The following CALR3 variants were observed in gnomAD, a reference collection of about 807,000 sequenced individuals.
CALR3 encodes the protein calreticulin-3.
A neutral mutation model predicts 48.7 loss-of-function variants in CALR3; 39 were observed. The observed-to-expected ratio is 0.80, with a 90% CI of 0.62 to 1.05. CALR3 has a LOEUF of 1.05. Among genes scored for constraint, CALR3 ranks in the 50% least tolerant of loss-of-function variants. The pLI is 0.00. For missense variants in CALR3, 449 were observed against 474.7 expected, an observed-to-expected ratio of 0.95 and a Z score of 0.50; for synonymous variants, 185 against 172.7, an observed-to-expected ratio of 1.07 and a Z score of -0.56.
At position 16,490,417 on chromosome 19, in the gene CALR3, T is replaced by A; in HGVS notation, c.347A>T (p.Asp116Val). 3 of 1,614,188 alleles carry A rather than the reference T, an allele frequency of 1.9e-6. No homozygotes were observed. Among genetic ancestry groups the A allele is most frequent in the Non-Finnish European group, 2.5e-6 (3 of 1,180,046 alleles). The change falls in exon 3 of 9, where the codon GAC becomes GTC. Residue 116 changes from aspartate to valine, a missense_variant. Transcript: ENST00000269881. ...GGGYIKVFPA[D>V]IDQKNLNGKS... ...TCCATTCAGGTTCTTCTGGTCAATG[T>A]CTGCAGGAAAGACCTTAATGTAGCC...
At chr19:16,483,374 C>T (rs1053309520) in intron 5 of CALR3, among the ~76,000 whole-genome samples, 2 of 152,074 alleles carry the variant, frequency 1.3e-5, no homozygotes, top group Non-Finnish European at 2.9e-5. Flanking sequence ...AGAGGAGCAG[C>T]GGTGTGGAAA....
chr19:16,491,516 C>G (rs1599721404), intron 2 of CALR3, among the ~76,000 whole-genome samples: 1 of 151,404 alleles, frequency 6.6e-6, no homozygotes, highest in Non-Finnish European at 1.5e-5. Context: ...TGCTGGCTCA[C>G]GCCTGTAATC....
chr19:16,482,535 C>A lies in CALR3; in HGVS notation c.833G>T (p.Arg278Leu), dbSNP rs1247489343. 3.7e-6 allele frequency: 6 copies of A among 1,614,086 alleles called. No individual in the cohort carries two copies. ...EGIHKDVWLH[R>L]KMKNTDYLTQ... Reference sequence around the variant, plus strand: ...CAAATAGTCGGTATTCTTCATCTTACGGTGGAGCCAGACGTCTTTATGAAT... The same window carrying A: ...CAAATAGTCGGTATTCTTCATCTTAAGGTGGAGCCAGACGTCTTTATGAAT... The change falls in exon 7 of 9, where the codon CGT (arginine) becomes CTT (leucine). Residue 278 changes from arginine (R) to leucine (L), a missense_variant. Coordinates refer to ENST00000269881, the MANE Select transcript of CALR3 (RefSeq NM_145046.5).
intron 2 of CALR3, among the ~76,000 whole-genome samples, chr19:16,492,861 C>CA (rs71178700): frequency 0.62 from 76,643 of 124,384 alleles, 23,770 homozygotes; most frequent in South Asian, 0.72. Context: ...GACTCCGTCT[C>CA]AAAAAAAAAA....
Position 16,479,429 on chromosome 19 carries a change from C to CA in CALR3, c.1012-156dup, listed in dbSNP as rs67714289. ...TGAAACACAGTCTCTACCAAAAATA[C>CA]AAAAAAAAAAAAGCCAGGCGTGGTG... On this transcript the variant is annotated intron_variant, in intron 8 of 8. Coordinates refer to ENST00000269881, the MANE Select transcript of CALR3 (RefSeq NM_145046.5). 0.67 allele frequency among the ~76,000 whole-genome samples: 95,325 copies of CA among 142,930 alleles called. 31,664 individuals are homozygous for CA. Among genetic ancestry groups the CA allele is most frequent in the South Asian group, 0.75 (3,417 of 4,540 alleles). The allele number at this position is 142,930 out of a possible 152,430, so 93.8% of individuals were successfully genotyped here. A position where few individuals can be genotyped will look rare whatever the true frequency, so the allele number is the denominator to read the frequency against.
At chr19:16,489,118 A>G (rs763100377) in intron 3 of CALR3, among the ~76,000 whole-genome samples, 6 of 152,276 alleles carry the variant, frequency 3.9e-5, no homozygotes, top group Non-Finnish European at 7.3e-5. Context: ...TTTTTAGTTC[A>G]CAGGTTATAT....
chr19:16,494,484 C>T (rs2093402796), intron 2 of CALR3, among the ~76,000 whole-genome samples: 1 of 152,160 alleles, frequency 6.6e-6, no homozygotes, highest in Admixed American at 6.6e-5. Context: ...GCCTCAGCCT[C>T]CCGAGTAGCT....
chr19:16,485,402 T>A lies in CALR3; in HGVS notation c.398-145A>T, dbSNP rs2093387732. 3 of 627,206 alleles carry A rather than the reference T, an allele frequency of 4.8e-6. No homozygotes were observed. The South Asian group carries it at 5.2e-5, about 11-fold the overall frequency. The allele number at this position is 627,206 out of a possible 1,614,324, so 38.9% of individuals were successfully genotyped here. A position where few individuals can be genotyped will look rare whatever the true frequency, so the allele number is the denominator to read the frequency against. ...TGCAGTGATCTTGGCTCACGGAAAC[T>A]TCTGCCTCTTGGGTTCAAGCAATTC... On this transcript the variant is annotated intron_variant, in intron 3 of 8. Coordinates refer to ENST00000269881, the MANE Select transcript of CALR3 (RefSeq NM_145046.5).
rs1188902703 is a variant in CALR3, at chr19:16,482,723, C to G, written c.741G>C (p.Leu247=). 6.2e-7 allele frequency: 1 copy of G among 1,614,050 alleles called. No homozygotes were observed. Among genetic ancestry groups the G allele is most frequent in the Admixed American group, 1.7e-5 (1 of 60,016 alleles). ...GCATCGGCGCTGGCCAGTCCCCATC[C>G]AGGTCACCGTTCCAGTCGCTCTGCT... ...TSKQSDWNGD[L]DGDWPAPMLQ... Residue 247 remains leucine, a synonymous_variant, in exon 6 of 9, where the codon CTG becomes CTC. Coordinates refer to ENST00000269881, the MANE Select transcript of CALR3 (RefSeq NM_145046.5).
intron 4 of CALR3, 59 bp from the exon 5 acceptor site, chr19:16,484,174 TTTTC>T (rs2093385257): frequency 6.3e-6 from 9 of 1,431,384 alleles, no homozygotes; most frequent in African/African-American, 2.9e-5. Context: ...TTTTCTTTTC[TTTTC>T]TTTTTTTTTT....
chr19:16,489,184 G>T (rs1441064695), intron 3 of CALR3, among the ~76,000 whole-genome samples: 1 of 152,256 alleles, frequency 6.6e-6, no homozygotes, highest in Non-Finnish European at 1.5e-5. Context: ...AGTACTGAAG[G>T]ATTCAAAACA....
intron 2 of CALR3, among the ~76,000 whole-genome samples, chr19:16,493,340 T>C (rs1381114211): frequency 6.6e-6 from 1 of 152,194 alleles, no homozygotes; most frequent in Non-Finnish European, 1.5e-5. Context: ...AAAGACCACC[T>C]TGACTAATGG....
chr19:16,481,524 G>A (rs1054198751), intron 7 of CALR3, among the ~76,000 whole-genome samples: 4 of 145,264 alleles, frequency 2.8e-5, no homozygotes, highest in Non-Finnish European at 4.5e-5. Context: ...TGTTGCGGAG[G>A]CTGGAGTGCC....
rs562993073 is a variant in CALR3, at chr19:16,481,970, G to A, written c.918+480C>T. The stretch of plus-strand genomic sequence containing the variant: ...CACCCAGACTGGAGTGCAGTGGCCC[G>A]ATCTCAGCTCACTGCAAGCTCTGCC... On this transcript the variant is annotated intron_variant, in intron 7 of 8. Coordinates refer to ENST00000269881, the MANE Select transcript of CALR3 (RefSeq NM_145046.5). 2.1e-3 allele frequency among the ~76,000 whole-genome samples: 281 copies of A among 131,872 alleles called. 1 individual carries two copies. The highest frequency in any genetic ancestry group is 7.1e-3 in the African/African-American group (248 of 35,002). 86.5% of individuals were successfully genotyped at this position (131,872 alleles called of 152,430 possible).
At position 16,495,484 on chromosome 19, in the gene CALR3, G is replaced by A. The variant is rs143951004; in HGVS notation, c.193+267C>T. 6.7e-3 allele frequency among the ~76,000 whole-genome samples: 988 copies of A among 148,416 alleles called. 14 individuals are homozygous for A. Among genetic ancestry groups the A allele is most frequent in the African/African-American group, 0.023 (918 of 40,164 alleles). ...TGAGGCAGGAGAATTGCTTGAACCC[G>A]GGAGGTGGAAGTTGCAGTGAGCCGA... On this transcript the variant is annotated intron_variant, in intron 2 of 8. Coordinates refer to ENST00000269881, the MANE Select transcript of CALR3 (RefSeq NM_145046.5).
chr19:16,493,613 G>T (rs929840268), intron 2 of CALR3, among the ~76,000 whole-genome samples: 36 of 138,982 alleles, frequency 2.6e-4, no homozygotes, highest in Non-Finnish European at 3.6e-4. Context: ...GTAGTGGCAC[G>T]ATCTCGACTC....
At chr19:16,495,687 T>A in intron 2 of CALR3, 64 bp downstream of exon 2, 1 of 1,282,522 alleles carries the variant, frequency 7.8e-7, no homozygotes, top group Non-Finnish European at 1.1e-6. Context: ...GTGCCACAAC[T>A]ACCTAGAGAG....
At chr19:16,492,326 C>T (rs2093399318) in intron 2 of CALR3, among the ~76,000 whole-genome samples, 1 of 152,140 alleles carries the variant, frequency 6.6e-6, no homozygotes, top group Non-Finnish European at 1.5e-5. Context: ...CGTAGTGGCG[C>T]GTGCCTGTGG....
Position 16,482,726 on chromosome 19 carries a change from G to A in CALR3, c.738C>T (p.Asp246=), listed in dbSNP as rs780488544. ...TCGGCGCTGGCCAGTCCCCATCCAG[G>A]TCACCGTTCCAGTCGCTCTGCTTGC... ...STSKQSDWNG[D]LDGDWPAPML... Residue 246 remains aspartate (D), a synonymous_variant, in exon 6 of 9, where the codon GAC becomes GAT. Transcript: ENST00000269881. 2 of 1,614,002 alleles carry A rather than the reference G, an allele frequency of 1.2e-6. No individual in the cohort carries two copies. The highest frequency in any genetic ancestry group is 1.7e-6 in the Non-Finnish European group (2 of 1,179,976).
Sources: gnomAD v4.1 joint callset for allele counts (sites outside exome capture counted in the v4.1 genomes callset) on GRCh38, gnomAD v4.1.1 for gene constraint, MANE v1.5 for transcripts, NCBI Gene and HGNC (gene_info 2026-07-23, HGNC 2026-07-21) for gene names.